The following TTC22 variants were observed in gnomAD, a reference collection of about 807,000 sequenced individuals.
TTC22 encodes tetratricopeptide repeat domain 22.
A neutral mutation model predicts 48.2 loss-of-function variants in TTC22; 42 were observed. The observed-to-expected ratio is 0.87, with a 90% CI of 0.68 to 1.13. The LOEUF is 1.13. Among genes scored for constraint, TTC22 ranks in the 50% most tolerant of loss-of-function variants. The pLI, the probability that TTC22 is intolerant of heterozygous loss-of-function variation, is 0.00. For synonymous variants in TTC22, 345 were observed against 365.5 expected (o/e 0.94, Z 0.64); for missense variants, 784 against 807.0 (o/e 0.97, Z 0.34).
intron 4 of TTC22, chr1:54,786,601 T>C (rs763981613): frequency 4.2e-5 from 11 of 263,924 alleles, no homozygotes; most frequent in Non-Finnish European, 7.1e-5. Flanking sequence ...TCACACAGCC[T>C]ATGGGCAGGG....
intron 1 of TTC22, among the ~76,000 whole-genome samples, chr1:54,796,377 G>A (rs1262838281): frequency 6.6e-6 from 1 of 152,256 alleles, no homozygotes; most frequent in African/African-American, 2.4e-5. Flanking sequence ...GGCTGGTGAA[G>A]TATGGACAGC....
intron 4 of TTC22, 78 bp downstream of exon 4, chr1:54,786,879 G>T: frequency 4.5e-6 from 3 of 667,682 alleles, no homozygotes; most frequent in Non-Finnish European, 4.8e-6. Flanking sequence ...ACCCAGAGAA[G>T]CCTGGGTTCT....
At chr1:54,788,148 A>G (rs1196638753) in intron 1 of TTC22, 51 bp from the exon 2 acceptor site, 4 of 1,577,190 alleles carry the variant, frequency 2.5e-6, no homozygotes, top group Middle Eastern at 3.3e-4. Context: ...TACTCTGGCC[A>G]TTGTTCATAA....
At chr1:54,784,642 G>A (rs1395506330) in intron 5 of TTC22, 8 of 1,112,544 alleles carry the variant, frequency 7.2e-6, no homozygotes, top group African/African-American at 3.4e-5. Context: ...CCACATCCAC[G>A]ACAGTGAAGG....
At chr1:54,782,843 A>T (rs1646273262) in intron 5 of TTC22, among the ~76,000 whole-genome samples, 1 of 152,204 alleles carries the variant, frequency 6.6e-6, no homozygotes, top group African/African-American at 2.4e-5. Flanking sequence ...AGAACTTAAC[A>T]TTCCAGTAGG....
chr1:54,799,225 A>G (rs1303180383), intron 1 of TTC22, among the ~76,000 whole-genome samples: 1 of 152,180 alleles, frequency 6.6e-6, no homozygotes, highest in Non-Finnish European at 1.5e-5. Flanking sequence ...CCCTCCCTGG[A>G]GTGCTGGGCA....
Position 54,781,546 on chromosome 1 carries a change from G to T in TTC22, c.1407C>A (p.Thr469=), listed in dbSNP as rs964041926. The change falls in exon 7 of 7, where the codon ACC becomes ACA. Residue 469 remains threonine, a synonymous_variant. Transcript: ENST00000371276. ...CCTCGAGCAGGCAGCCGAAGCCGTC[G>T]GTGTGGCTGGAGCCCGCGTCGTCCA... ...VELDDAGSSH[T]DGFGCLLEAL... 4 of 1,517,004 alleles carry T rather than the reference G, an allele frequency of 2.6e-6. No homozygotes were observed. The highest frequency in any genetic ancestry group is 3.5e-6 in the Non-Finnish European group (4 of 1,139,754). The allele number at this position is 1,517,004 out of a possible 1,614,324, so 94.0% of individuals were successfully genotyped here.
At chr1:54,785,560 C>CCAGCA (rs1421921327) in intron 5 of TTC22, 3 of 452,548 alleles carry the variant, frequency 6.6e-6, no homozygotes, top group African/African-American at 4.0e-5. Flanking sequence ...ACCTGGAATT[C>CCAGCA]CAGCACTTTG....
At chr1:54,784,430 G>T in intron 5 of TTC22, 1 of 435,508 alleles carries the variant, frequency 2.3e-6, no homozygotes, top group Non-Finnish European at 3.1e-6. Flanking sequence ...ATTATTGAAT[G>T]CAGTTCCTTG....
At chr1:54,787,957 C>T in intron 2 of TTC22, 85 bp downstream of exon 2, 1 of 1,502,322 alleles carries the variant, frequency 6.7e-7, no homozygotes, top group Non-Finnish European at 9.2e-7. Context: ...AGGGCCCAGC[C>T]ACCTCTGCCC....
chr1:54,787,081 G>A lies in TTC22; in HGVS notation c.740-6C>T. On this transcript the variant is annotated splice_region_variant and splice_polypyrimidine_tract_variant and intron_variant, in intron 3 of 6. Transcript: ENST00000371276. ...GAGGTAGCACCAGGCCAGGGCTGGG[G>A]GTGAAGGGTGGGAGAGGGTCTCTAG... The A allele has an allele frequency of 6.8e-7, 1 of 1,467,034 alleles. No individual in the cohort carries two copies. The highest frequency in any genetic ancestry group is 9.2e-7 in the Non-Finnish European group (1 of 1,092,410). 90.9% of individuals were successfully genotyped at this position (1,467,034 alleles called of 1,614,324 possible).
intron 1 of TTC22, among the ~76,000 whole-genome samples, chr1:54,789,175 A>G (rs753277448): frequency 6.6e-6 from 1 of 152,230 alleles, no homozygotes; most frequent in Non-Finnish European, 1.5e-5. Context: ...TCCAAAGCCC[A>G]TGCTTGCTTC....
chr1:54,801,299 C>G lies in TTC22; in HGVS notation c.-136G>C. ...AGAGGCCCCGGGCGCTGCGGCCTCT[C>G]GGTCTCAGGGCGCCTCCCGCAGGTG... On this transcript the variant is annotated 5_prime_UTR_variant, in exon 1 of 7. Transcript: ENST00000371276. The G allele has an allele frequency of 2.2e-6, 2 of 896,800 alleles. No individual in the cohort carries two copies. Among genetic ancestry groups the G allele is most frequent in the Non-Finnish European group, 1.7e-6 (1 of 595,016 alleles). The allele number at this position is 896,800 out of a possible 1,614,324, so 55.6% of individuals were successfully genotyped here.
chr1:54,780,947 C>T lies in TTC22; in HGVS notation c.*296G>A, dbSNP rs1646256591. 3.5e-6 allele frequency: 1 copy of T among 289,576 alleles called. No individual in the cohort carries two copies. Among genetic ancestry groups the T allele is most frequent in the Non-Finnish European group, 6.4e-6 (1 of 156,544 alleles). The allele number at this position is 289,576 out of a possible 1,614,324, so 17.9% of individuals were successfully genotyped here. ...TCTGTTTCTCTCAGAAGCCTCACAA[C>T]CATCTTATTTTACCTGTATGTCTAG... On this transcript the variant is annotated 3_prime_UTR_variant, in exon 7 of 7. Transcript: ENST00000371276.
At chr1:54,784,777 C>T (rs1314995102) in intron 5 of TTC22, 23 of 1,296,460 alleles carry the variant, frequency 1.8e-5, no homozygotes, top group Non-Finnish European at 2.1e-5. Flanking sequence ...GAGGACTCTT[C>T]GGCTTGCAGT....
At chr1:54,785,788 G>T in intron 5 of TTC22, 195 bp downstream of exon 5, 1 of 572,444 alleles carries the variant, frequency 1.7e-6, no homozygotes, top group Non-Finnish European at 3.1e-6. Flanking sequence ...ACTCCAGTTG[G>T]GTGACAGAGC....
In TTC22 at chr1:54,786,128, T is replaced by C. The variant is rs771087485; in HGVS notation, c.875A>G (p.Lys292Arg). ...GCGATTCAGGATGGGAGGTTGGTTCTTGGCAATCTCAATGGCCTAGGTAAG... is the reference window on the plus strand; with the variant it reads ...GCGATTCAGGATGGGAGGTTGGTTCCTGGCAATCTCAATGGCCTAGGTAAG... ...DCFGKAIEIA[K>R]NQPPILNRLA... The change falls in exon 5 of 7, where the codon AAG (lysine) becomes AGG (arginine). Residue 292 changes from lysine to arginine, a missense_variant. By Grantham distance (26) the Lys-to-Arg change is conservative. Transcript: ENST00000371276. 4 of 1,614,124 alleles carry C rather than the reference T, an allele frequency of 2.5e-6. No individual in the cohort carries two copies. Among genetic ancestry groups the C allele is most frequent in the Non-Finnish European group, 2.5e-6 (3 of 1,179,978 alleles).
chr1:54,781,952 C>T (rs942070035), intron 6 of TTC22, among the ~76,000 whole-genome samples, 173 bp from the exon 7 acceptor site: 12 of 152,258 alleles, frequency 7.9e-5, no homozygotes, highest in African/African-American at 2.7e-4. Context: ...AGGAGTACCC[C>T]GATTCCAGTT....
chr1:54,784,277 CCCT>C (rs1646283762), intron 5 of TTC22, among the ~76,000 whole-genome samples: 1 of 152,160 alleles, frequency 6.6e-6, no homozygotes, highest in East Asian at 1.9e-4. Flanking sequence ...AATGTGAGTT[CCCT>C]CCTCCTCCCA....
Sources: gnomAD v4.1 joint callset for allele counts (sites outside exome capture counted in the v4.1 genomes callset) on GRCh38, gnomAD v4.1.1 for gene constraint, MANE v1.5 for transcripts, NCBI Gene and HGNC (gene_info 2026-07-23, HGNC 2026-07-21) for gene names.